The following NCKAP5 variants were observed in gnomAD, a reference collection of about 807,000 sequenced individuals.
NCKAP5 encodes NCK associated protein 5.
A neutral mutation model predicts 167.0 loss-of-function variants in NCKAP5; 92 were observed. The ratio of observed to expected loss-of-function variants is 0.55; its 90% CI spans 0.47 to 0.66. The LOEUF (loss-of-function observed/expected upper bound fraction) is 0.66, where lower values mean the gene tolerates loss of function less well. Ranked by LOEUF, NCKAP5 falls within the 30% of genes least tolerant of loss-of-function variation. The probability of loss-of-function intolerance (pLI) is 0.00; values close to 1 mark genes in which losing one functional copy is unlikely to be tolerated. For synonymous variants in NCKAP5, 891 were observed against 877.4 expected (o/e 1.02, Z -0.27); for missense variants, 2,378 against 2,315.0 (o/e 1.03, Z -0.56).
chr2:133,563,189 G>C (rs1355693714), intron 1 of NCKAP5, among the ~76,000 whole-genome samples: 1 of 152,048 alleles, frequency 6.6e-6, no homozygotes, highest in Admixed American at 6.6e-5. Flanking sequence ...TTACACTCTT[G>C]ACCAAACTTT....
chr2:133,219,100 C>T (rs2086551126), intron 4 of NCKAP5, among the ~76,000 whole-genome samples: 1 of 152,158 alleles, frequency 6.6e-6, no homozygotes, highest in Non-Finnish European at 1.5e-5. Flanking sequence ...GAGTAAAATA[C>T]ATAAAAACTA....
intron 3 of NCKAP5, among the ~76,000 whole-genome samples, chr2:133,487,812 G>T (rs777948426): frequency 2.6e-5 from 4 of 152,136 alleles, no homozygotes; most frequent in Non-Finnish European, 5.9e-5. Context: ...AAGACGTAAA[G>T]TCCAGTTCTC....
At chr2:133,091,614 G>T (rs1476451141) in intron 6 of NCKAP5, among the ~76,000 whole-genome samples, 1 of 152,118 alleles carries the variant, frequency 6.6e-6, no homozygotes, top group Admixed American at 6.5e-5. Context: ...TTGGCCAGGC[G>T]CAGTGGCTCC....
intron 3 of NCKAP5, among the ~76,000 whole-genome samples, chr2:133,502,041 G>A (rs2163654): frequency 0.37 from 56,414 of 152,028 alleles, 11,054 homozygotes; most frequent in Non-Finnish European, 0.44. Flanking sequence ...TTGAGTGTCC[G>A]TTCGCCTCGC....
Position 133,090,793 on chromosome 2 carries a change from G to C in NCKAP5, c.341+39185C>G, listed in dbSNP as rs984639499. ...CTGAACACGGTTGGAGACTTGGCGG[G>C]GGAAATTACAGAATAGAGAAACCTC... On this transcript the variant is annotated intron_variant, in intron 6 of 19. Coordinates refer to ENST00000409261, the MANE Select transcript of NCKAP5 (RefSeq NM_207363.3). Among the ~76,000 whole-genome samples the C allele has an allele frequency of 2.0e-5, 3 of 152,066 alleles. No homozygotes were observed. In the East Asian group the frequency reaches 5.8e-4, roughly 29 times the overall value.
Position 132,731,881 on chromosome 2 carries a change from G to A in NCKAP5, c.5299C>T (p.Gln1767Ter), listed in dbSNP as rs559275412. 6.2e-7 allele frequency: 1 copy of A among 1,613,898 alleles called. No homozygotes were observed. The highest frequency in any genetic ancestry group is 8.5e-7 in the Non-Finnish European group (1 of 1,179,880). The change falls in exon 17 of 20, where the codon CAA (glutamine) becomes TAA (stop). Residue 1767 changes from glutamine to a stop codon, truncating the protein, a stop_gained. Transcript: ENST00000409261. LOFTEE classifies it high-confidence loss of function. ...GAAGGCACTTCACGTTCAAGGGTTT[G>A]GGCTCTCATGGAAGAAACTGCAGAA... Reference protein sequence around the residue: ...ALSAVSSMRAQTLEREVPSST... With the variant: ...ALSAVSSMRA
chr2:133,366,125 A>G (rs1448779291), intron 3 of NCKAP5, among the ~76,000 whole-genome samples: 2 of 152,244 alleles, frequency 1.3e-5, no homozygotes, highest in African/African-American at 2.4e-5. Flanking sequence ...TTTTGTGAGC[A>G]CATTTTTTGA....
chr2:133,624,506 C>A, the NCKAP5 span, among the ~76,000 whole-genome samples: 1 of 151,980 alleles, frequency 6.6e-6, no homozygotes, highest in South Asian at 2.1e-4. Context: ...ATGCTCCATC[C>A]CCCTTCCTCC....
At chr2:133,461,827 G>A (rs1256374249) in intron 3 of NCKAP5, among the ~76,000 whole-genome samples, 1 of 152,122 alleles carries the variant, frequency 6.6e-6, no homozygotes, top group Non-Finnish European at 1.5e-5. Context: ...TTTATGAGTA[G>A]CTACCCATCA....
chr2:133,360,440 G>A (rs1025433566), intron 3 of NCKAP5, among the ~76,000 whole-genome samples: 1 of 151,940 alleles, frequency 6.6e-6, no homozygotes, highest in African/African-American at 2.4e-5. Flanking sequence ...GGTACCCAGT[G>A]TAGAAATCTA....
intron 3 of NCKAP5, among the ~76,000 whole-genome samples, chr2:133,354,552 A>G (rs1261298555): frequency 6.6e-6 from 1 of 152,208 alleles, no homozygotes; most frequent in Non-Finnish European, 1.5e-5. Flanking sequence ...ACATCACCCA[A>G]TAGATAAGAA....
At chr2:133,413,127 CAG>C (rs1688878603) in intron 3 of NCKAP5, among the ~76,000 whole-genome samples, 3 of 152,138 alleles carry the variant, frequency 2.0e-5, no homozygotes, top group Admixed American at 2.0e-4. Context: ...TGGGGAGGCA[CAG>C]TGGGAAGAGA....
intron 8 of NCKAP5, among the ~76,000 whole-genome samples, chr2:132,899,300 G>C (rs1265262162): frequency 6.6e-6 from 1 of 152,380 alleles, no homozygotes; most frequent in African/African-American, 2.4e-5. Flanking sequence ...GAATTGAAGA[G>C]TTAGTACCTT....
intron 8 of NCKAP5, among the ~76,000 whole-genome samples, chr2:132,924,490 A>G (rs746150718): frequency 1.4e-4 from 21 of 152,202 alleles, no homozygotes; most frequent in Non-Finnish European, 2.9e-4. Flanking sequence ...TGTTTATTCA[A>G]TGGGTCCCAC....
the NCKAP5 span, among the ~76,000 whole-genome samples, chr2:133,637,959 T>C: frequency 6.6e-6 from 1 of 152,150 alleles, no homozygotes; most frequent in Non-Finnish European, 1.5e-5. Context: ...TGTATAACCT[T>C]AAAATCAGCC....
chr2:133,663,958 G>A, the NCKAP5 span, among the ~76,000 whole-genome samples: 1 of 152,166 alleles, frequency 6.6e-6, no homozygotes, highest in East Asian at 1.9e-4. Context: ...CTGTAAGACT[G>A]TCAATGGCAG....
intron 3 of NCKAP5, among the ~76,000 whole-genome samples, chr2:133,458,097 G>A (rs1691969652): frequency 6.6e-6 from 1 of 152,092 alleles, no homozygotes; most frequent in East Asian, 1.9e-4. Context: ...CAAAGTTTTT[G>A]TTCAGTTTAA....
intron 3 of NCKAP5, among the ~76,000 whole-genome samples, chr2:133,313,412 A>T (rs1024652810): frequency 2.0e-5 from 3 of 152,154 alleles, no homozygotes; most frequent in African/African-American, 7.2e-5. Context: ...ATCTACACAA[A>T]AGTTAAACAA....
chr2:132,713,322 T>G (rs1689042197), intron 19 of NCKAP5, among the ~76,000 whole-genome samples: 2 of 152,206 alleles, frequency 1.3e-5, no homozygotes, highest in African/African-American at 2.4e-5. Context: ...GCATGAAGAC[T>G]CACTTCCTAG....
Sources: allele counts gnomAD v4.1 joint callset (sites outside exome capture counted in the v4.1 genomes callset), GRCh38; gene constraint gnomAD v4.1.1; transcripts MANE v1.5; gene names NCBI Gene and HGNC (gene_info 2026-07-23, HGNC 2026-07-21).